Variants in ARMH1 observed in about 807,000 individuals in gnomAD.
ARMH1 encodes armadillo like helical domain containing 1.
In ARMH1, 34 loss-of-function variants were observed where a neutral mutation model predicts 50.2. The observed-to-expected ratio is 0.68, with a 90% CI of 0.51 to 0.90. The LOEUF is 0.90. Among genes scored for constraint, ARMH1 ranks in the 40% least tolerant of loss-of-function variants. The pLI is 0.00. For missense variants in ARMH1, 538 were observed against 553.9 expected (o/e 0.97, Z 0.29); for synonymous variants, 221 against 224.2 (o/e 0.99, Z 0.13).
intron 6 of ARMH1, among the ~76,000 whole-genome samples, chr1:44,718,355 C>A (rs1325602615): frequency 2.0e-5 from 3 of 152,164 alleles, no homozygotes; most frequent in Non-Finnish European, 4.4e-5. Flanking sequence ...AGGGGCCAGA[C>A]CACTTGGCTC....
chr1:44,686,033 GGAA>G (rs1645461676), intron 1 of ARMH1, among the ~76,000 whole-genome samples: 1 of 152,184 alleles, frequency 6.6e-6, no homozygotes, highest in Non-Finnish European at 1.5e-5. Flanking sequence ...ACACAAAGAA[GGAA>G]GAAGATGTGA....
At chr1:44,700,871 G>A in intron 4 of ARMH1, 52 bp from the exon 5 acceptor site, 2 of 1,444,474 alleles carry the variant, frequency 1.4e-6, no homozygotes, top group South Asian at 2.8e-5. Flanking sequence ...CTTGAGTGGG[G>A]ATTTTTTCAT....
rs1645366456 is a variant in ARMH1, at chr1:44,683,166, G to A, written c.-22-6510G>A. On this transcript the variant is annotated intron_variant, in intron 1 of 11. Coordinates refer to ENST00000535358, the MANE Select transcript of ARMH1 (RefSeq NM_001145636.2). The surrounding 1 kb of genome is among the most constrained non-coding windows in gnomAD (Gnocchi z 4.2). ...AGATGAGGGCAAGGGAGAGGAATAA[G>A]TCAAAGACAACTTTTGGCTGACTAG... 6.6e-6 allele frequency among the ~76,000 whole-genome samples: 1 copy of A among 152,210 alleles called. No homozygotes were observed. The highest frequency in any genetic ancestry group is 1.5e-5 in the Non-Finnish European group (1 of 68,040).
At position 44,706,504 on chromosome 1, in the gene ARMH1, C is replaced by T. The variant is rs143819290; in HGVS notation, c.724+2331C>T. On this transcript the variant is annotated intron_variant, in intron 6 of 11. Coordinates refer to ENST00000535358, the MANE Select transcript of ARMH1 (RefSeq NM_001145636.2). ...CCGGGGAGGAGAGCATAAGGAGCAG[C>T]CAGGCACTGAGGTTCACGTACGCAA... 1.9e-3 allele frequency among the ~76,000 whole-genome samples: 288 copies of T among 152,254 alleles called. 2 individuals carry two copies. Among genetic ancestry groups the T allele is most frequent in the African/African-American group, 6.6e-3 (276 of 41,524 alleles).
chr1:44,706,336 G>T (rs781056254), intron 6 of ARMH1, among the ~76,000 whole-genome samples: 5 of 152,196 alleles, frequency 3.3e-5, no homozygotes, highest in Non-Finnish European at 5.9e-5. Flanking sequence ...TGAGGAGAAT[G>T]AAGCAGCTTA....
chr1:44,710,188 C>T (rs552481541), intron 6 of ARMH1, among the ~76,000 whole-genome samples: 1 of 152,258 alleles, frequency 6.6e-6, no homozygotes, highest in South Asian at 2.1e-4. Context: ...GTGACACCTC[C>T]TCCCCTGGCC....
chr1:44,677,431 G>A (rs958362889), intron 1 of ARMH1, among the ~76,000 whole-genome samples: 1 of 152,202 alleles, frequency 6.6e-6, no homozygotes. Flanking sequence ...GAAGATTGTG[G>A]CAAAACAGTG....
At chr1:44,702,702 C>T (rs866936567) in intron 5 of ARMH1, among the ~76,000 whole-genome samples, 57 of 112,074 alleles carry the variant, frequency 5.1e-4, no homozygotes, top group African/African-American at 2.1e-3. Flanking sequence ...CACAGCGAGA[C>T]TCCATCTCAA....
rs1647894842 is a variant in ARMH1, at chr1:44,724,336, G to A, written c.864G>A (p.Gln288=). Residue 288 remains glutamine (Q), a synonymous_variant, in exon 8 of 12, where the codon CAG becomes CAA. Coordinates refer to ENST00000535358, the MANE Select transcript of ARMH1 (RefSeq NM_001145636.2). This position sits in a 1 kb window ranked among gnomAD's most constrained non-coding sequence, Gnocchi z 6.4. ...CCTCCTCAGACCCCTCGGTTCTCCA[G>A]CTCACCCCCAGCCTGCCGATGTTTT... ...AKILSDPSVL[Q]LTPSLPMFLQ... The A allele has an allele frequency of 6.4e-7, 1 of 1,551,526 alleles. No homozygotes were observed. The highest frequency in any genetic ancestry group is 8.7e-7 in the Non-Finnish European group (1 of 1,146,972).
chr1:44,721,524 A>G (rs1441457036), intron 6 of ARMH1, among the ~76,000 whole-genome samples: 1 of 151,810 alleles, frequency 6.6e-6, no homozygotes, highest in Non-Finnish European at 1.5e-5. Context: ...AAAAAAAAAA[A>G]TCTTATAAAC....
At chr1:44,705,878 T>G (rs1028027263) in intron 6 of ARMH1, among the ~76,000 whole-genome samples, 4 of 151,806 alleles carry the variant, frequency 2.6e-5, no homozygotes, top group African/African-American at 9.7e-5. Context: ...AGGGAGGATT[T>G]GGGAAGGTCG....
At chr1:44,709,379 T>C (rs1009445388) in intron 6 of ARMH1, among the ~76,000 whole-genome samples, 4 of 152,206 alleles carry the variant, frequency 2.6e-5, no homozygotes. Context: ...CTGTCCTTGT[T>C]TTCCCTATCT....
At chr1:44,710,560 G>A (rs1224919384) in intron 6 of ARMH1, among the ~76,000 whole-genome samples, 3 of 138,184 alleles carry the variant, frequency 2.2e-5, no homozygotes, top group African/African-American at 5.4e-5. Context: ...AGTGAGCCGA[G>A]ATCATGCCAC....
intron 1 of ARMH1, chr1:44,688,312 T>C (rs1052664047): frequency 6.6e-6 from 1 of 152,156 alleles, no homozygotes; most frequent in Non-Finnish European, 1.5e-5. Flanking sequence ...CTCTGGGGAG[T>C]AGTAGAGGTT....
At chr1:44,700,246 C>G (rs1245756841) in intron 4 of ARMH1, among the ~76,000 whole-genome samples, 1 of 152,216 alleles carries the variant, frequency 6.6e-6, no homozygotes, top group Admixed American at 6.5e-5. Context: ...GGGAGAAACA[C>G]CTTCCTCTTG....
At chr1:44,713,431 A>C (rs891039661) in intron 6 of ARMH1, among the ~76,000 whole-genome samples, 2 of 152,036 alleles carry the variant, frequency 1.3e-5, no homozygotes, top group African/African-American at 4.8e-5. Context: ...CATGGGCAGT[A>C]ATTTTAGCCT....
At position 44,724,199 on chromosome 1, in the gene ARMH1, C is replaced by T. The variant is rs1353286907; in HGVS notation, c.802C>T (p.Pro268Ser). ...LLKGLVALLI[P>S]SVKEISKLQA... ...CAAGGGCCTCGTGGCGCTGCTGATA[C>T]CGTCGGTCAAGGAGATCTCCAAACT... The change falls in exon 7 of 12, where the codon CCG becomes TCG. Residue 268 changes from proline (P) to serine (S), a missense_variant. By Grantham distance (74) the Pro-to-Ser change is moderately conservative. Coordinates refer to ENST00000535358, the MANE Select transcript of ARMH1 (RefSeq NM_001145636.2). The surrounding 1 kb of genome is among the most constrained non-coding windows in gnomAD (Gnocchi z 6.4). 6.4e-7 allele frequency: 1 copy of T among 1,551,708 alleles called. No homozygotes were observed. The highest frequency in any genetic ancestry group is 2.4e-5 in the East Asian group (1 of 40,916).
At chr1:44,714,551 C>T (rs1318212367) in intron 6 of ARMH1, among the ~76,000 whole-genome samples, 2 of 151,240 alleles carry the variant, frequency 1.3e-5, no homozygotes. Context: ...CGCCATTGCA[C>T]TCCGGCCTGG....
intron 1 of ARMH1, among the ~76,000 whole-genome samples, chr1:44,678,948 A>G (rs968008051): frequency 6.6e-6 from 1 of 152,178 alleles, no homozygotes; most frequent in African/African-American, 2.4e-5. Flanking sequence ...GTTTCCCTGC[A>G]TGAAGAAGAA....
Sources: allele counts gnomAD v4.1 joint callset (sites outside exome capture counted in the v4.1 genomes callset), GRCh38; gene constraint gnomAD v4.1.1; non-coding constraint Gnocchi (gnomAD v3.1); transcripts MANE v1.5; gene names NCBI Gene and HGNC (gene_info 2026-07-23, HGNC 2026-07-21).